ADAMTS3: variants seen among roughly 807,000 people sequenced by gnomAD.
ADAMTS3 encodes A disintegrin and metalloproteinase with thrombospondin motifs 3.
Under a neutral mutation model 129.0 loss-of-function variants are expected in ADAMTS3, and 73 were observed. The ratio of observed to expected loss-of-function variants is 0.57; its 90% CI spans 0.47 to 0.69. The LOEUF (loss-of-function observed/expected upper bound fraction) is 0.69, where lower values mean the gene tolerates loss of function less well. ADAMTS3 is among the 30% of genes least tolerant of loss of function. The probability of loss-of-function intolerance (pLI) is 0.00; values close to 1 mark genes in which losing one functional copy is unlikely to be tolerated. For missense variants in ADAMTS3, 1,457 were observed against 1,514.5 expected (o/e 0.96, Z 0.63); for synonymous variants, 477 against 510.8 (o/e 0.93, Z 0.89).
intron 3 of ADAMTS3, among the ~76,000 whole-genome samples, chr4:72,458,685 T>C (rs1718688064): frequency 6.6e-6 from 1 of 151,456 alleles, no homozygotes; most frequent in African/African-American, 2.4e-5. Context: ...CACACACCAC[T>C]CCCAACCTAT....
In ADAMTS3 at chr4:72,453,565, A is replaced by C. The variant is rs1718465016; in HGVS notation, c.505-38594T>G. 1.3e-5 allele frequency among the ~76,000 whole-genome samples: 2 copies of C among 151,718 alleles called. 1 individual carries two copies. The highest frequency in any genetic ancestry group is 4.1e-4 in the South Asian group (2 of 4,834). The stretch of plus-strand genomic sequence containing the variant: ...TTAGTATGTGGTGGAACAGGGATTC[A>C]AGTCCAAGCAATCACATCTAGTAAA... On this transcript the variant is annotated intron_variant, in intron 3 of 21. Coordinates refer to ENST00000286657, the MANE Select transcript of ADAMTS3 (RefSeq NM_014243.3).
chr4:72,297,439 A>C (rs781731461), intron 18 of ADAMTS3, among the ~76,000 whole-genome samples: 1 of 152,192 alleles, frequency 6.6e-6, no homozygotes, highest in Non-Finnish European at 1.5e-5. Flanking sequence ...ACTTAAAATT[A>C]TAAAATAAAT....
intron 3 of ADAMTS3, among the ~76,000 whole-genome samples, chr4:72,463,386 C>T (rs1421207721): frequency 6.6e-6 from 1 of 151,976 alleles, no homozygotes; most frequent in Non-Finnish European, 1.5e-5. Context: ...AGCCAAACCA[C>T]TTCATATTTT....
At chr4:72,530,241 T>TATATATAATATATTTATATTATATATA (rs1212529693) in intron 3 of ADAMTS3, among the ~76,000 whole-genome samples, 10 of 80,128 alleles carry the variant, frequency 1.2e-4, no homozygotes, top group African/African-American at 1.5e-4. Context: ...ATATATTAAA[T>TATATATAATATATTTATATTATATATA]ATATATAATA....
intron 5 of ADAMTS3, among the ~76,000 whole-genome samples, chr4:72,338,011 G>C (rs867463277): frequency 6.6e-6 from 1 of 152,034 alleles, no homozygotes; most frequent in Non-Finnish European, 1.5e-5. Context: ...CATCTCCATA[G>C]GAAGTTTGAA....
chr4:72,455,195 A>G (rs1245428284), intron 3 of ADAMTS3, among the ~76,000 whole-genome samples: 1 of 151,778 alleles, frequency 6.6e-6, no homozygotes, highest in Non-Finnish European at 1.5e-5. Context: ...TAAGCAAAGA[A>G]GCGATTAAAG....
intron 3 of ADAMTS3, among the ~76,000 whole-genome samples, chr4:72,547,263 T>C (rs1309424615): frequency 6.6e-6 from 1 of 152,186 alleles, no homozygotes; most frequent in Non-Finnish European, 1.5e-5. Flanking sequence ...CAGTCACTCA[T>C]ACATGATAAT....
chr4:72,444,629 G>C (rs531424100), intron 3 of ADAMTS3, among the ~76,000 whole-genome samples: 1 of 151,692 alleles, frequency 6.6e-6, no homozygotes, highest in Non-Finnish European at 1.5e-5. Context: ...AGTAAACAAA[G>C]TCTTACACAT....
intron 4 of ADAMTS3, among the ~76,000 whole-genome samples, chr4:72,412,810 G>T (rs1042568696): frequency 6.6e-6 from 1 of 151,876 alleles, no homozygotes. Context: ...TACTCTAGTT[G>T]GTGGCCTACT....
At chr4:72,480,262 A>G (rs1388360102) in intron 3 of ADAMTS3, among the ~76,000 whole-genome samples, 2 of 152,196 alleles carry the variant, frequency 1.3e-5, no homozygotes, top group African/African-American at 4.8e-5. Context: ...TTATTGTGGC[A>G]CTATTCACAA....
At chr4:72,384,200 A>G (rs1030590196) in intron 4 of ADAMTS3, among the ~76,000 whole-genome samples, 1 of 152,164 alleles carries the variant, frequency 6.6e-6, no homozygotes, top group African/African-American at 2.4e-5. Flanking sequence ...TGACATACAT[A>G]TAACTGGAAT....
chr4:72,429,512 G>T (rs183749451), intron 3 of ADAMTS3, among the ~76,000 whole-genome samples: 3 of 152,044 alleles, frequency 2.0e-5, no homozygotes, highest in Admixed American at 2.0e-4. Context: ...CTAACTTTTT[G>T]ATCTTAGACA....
chr4:72,389,411 C>CA (rs1322430106), intron 4 of ADAMTS3, among the ~76,000 whole-genome samples: 4 of 151,580 alleles, frequency 2.6e-5, no homozygotes, highest in African/African-American at 9.7e-5. Context: ...ACATTTAAAA[C>CA]AAACATGGAA....
intron 4 of ADAMTS3, among the ~76,000 whole-genome samples, chr4:72,397,521 C>T (rs145770477): frequency 0.013 from 2,017 of 151,436 alleles, 44 homozygotes; most frequent in African/African-American, 0.046. Context: ...GCTGAGATTG[C>T]GCAACTGCAT....
chr4:72,375,683 G>A (rs929529220), intron 4 of ADAMTS3, among the ~76,000 whole-genome samples: 1 of 152,154 alleles, frequency 6.6e-6, no homozygotes, highest in Non-Finnish European at 1.5e-5. Context: ...CTTAAAAGAG[G>A]AGGTCCTTTC....
chr4:72,412,516 T>C (rs1270145882), intron 4 of ADAMTS3, among the ~76,000 whole-genome samples: 1 of 152,076 alleles, frequency 6.6e-6, no homozygotes, highest in East Asian at 1.9e-4. Flanking sequence ...GTTCTGAATC[T>C]GAATCACTTG....
intron 16 of ADAMTS3, 35 bp downstream of exon 16, chr4:72,305,952 A>C: frequency 6.5e-7 from 1 of 1,535,536 alleles, no homozygotes; most frequent in Non-Finnish European, 9.0e-7. Context: ...GTTTCAGTGC[A>C]TGTTAAAGCA....
chr4:72,518,971 G>C (rs1333526481), intron 3 of ADAMTS3, among the ~76,000 whole-genome samples: 1 of 151,962 alleles, frequency 6.6e-6, no homozygotes, highest in Non-Finnish European at 1.5e-5. Context: ...TGCAGCGGCT[G>C]GTACCAGTTG....
Position 72,360,930 on chromosome 4 carries a change from T to C in ADAMTS3, c.662-21237A>G, listed in dbSNP as rs573931689. ...CCAGATTAAAATTTTGATATGTGTATGTTGAATATTTGTATATGCTACAAG... is the reference window on the plus strand; with the variant it reads ...CCAGATTAAAATTTTGATATGTGTACGTTGAATATTTGTATATGCTACAAG... On this transcript the variant is annotated intron_variant, in intron 4 of 21. Coordinates refer to ENST00000286657, the MANE Select transcript of ADAMTS3 (RefSeq NM_014243.3). 2.6e-5 allele frequency among the ~76,000 whole-genome samples: 4 copies of C among 152,244 alleles called. No homozygotes were observed. The South Asian group carries it at 8.3e-4, about 32-fold the overall frequency.
Sources: gnomAD v4.1 joint callset for allele counts (sites outside exome capture counted in the v4.1 genomes callset) on GRCh38, gnomAD v4.1.1 for gene constraint, MANE v1.5 for transcripts, NCBI Gene and HGNC (gene_info 2026-07-23, HGNC 2026-07-21) for gene names.